Variants in IL4R observed in about 807,000 individuals in gnomAD.
IL4R encodes the protein interleukin-4 receptor subunit alpha.
A neutral mutation model predicts 41.5 loss-of-function variants in IL4R; 17 were observed. The observed-to-expected ratio is 0.41, with a 90% CI of 0.28 to 0.61. The LOEUF (loss-of-function observed/expected upper bound fraction) is 0.61, where lower values mean the gene tolerates loss of function less well. Ranked by LOEUF, IL4R falls within the 20% of genes least tolerant of loss-of-function variation. IL4R has a pLI of 0.31. For missense variants in IL4R, 974 were observed against 1,043.1 expected (o/e 0.93, Z 0.91); for synonymous variants, 402 against 422.9 (o/e 0.95, Z 0.61).
At chr16:27,328,303 G>GCC (rs2085021183) in intron 1 of IL4R, among the ~76,000 whole-genome samples, 1 of 151,074 alleles carries the variant, frequency 6.6e-6, no homozygotes, top group Non-Finnish European at 1.5e-5. Context: ...GAGTGCAATG[G>GCC]TGTGATCTCA....
At chr16:27,320,643 T>A (rs1237599717) in intron 1 of IL4R, among the ~76,000 whole-genome samples, 1 of 152,228 alleles carries the variant, frequency 6.6e-6, no homozygotes. Context: ...TTAAAAGGAT[T>A]ACATTTCTTC....
upstream of IL4R, chr16:27,313,811 G>T: frequency 1.6e-6 from 1 of 644,598 alleles, no homozygotes; most frequent in Non-Finnish European, 1.9e-6. Flanking sequence ...AGCGACAGGG[G>T]CGCGAGGTGG....
In IL4R at chr16:27,321,186, C is replaced by T. The variant is rs376451326; in HGVS notation, c.-152+7166C>T. ...CTCAAACTCCTGACCTAGGGTGATC[C>T]GCCCACCTCAGCCTCCCAAAGTGCT... On this transcript the variant is annotated intron_variant, in intron 1 of 10. Coordinates refer to ENST00000395762, the MANE Select transcript of IL4R (RefSeq NM_000418.4). Among the ~76,000 whole-genome samples the T allele has an allele frequency of 1.3e-3, 191 of 152,180 alleles. 7 individuals carry two copies. The South Asian group carries it at 0.039, about 31-fold the overall frequency.
chr16:27,354,949 T>C, intron 7 of IL4R: 1 of 441,456 alleles, frequency 2.3e-6, no homozygotes, highest in Non-Finnish European at 4.9e-6. Context: ...TCATCTGCCA[T>C]TGGCATGGGG....
chr16:27,339,254 C>T (rs1048944776), intron 2 of IL4R, among the ~76,000 whole-genome samples: 4 of 152,104 alleles, frequency 2.6e-5, no homozygotes, highest in Non-Finnish European at 4.4e-5. Flanking sequence ...GTGATCCACC[C>T]CACCTTCCCG....
chr16:27,333,956 C>T (rs1023581283), intron 2 of IL4R, among the ~76,000 whole-genome samples: 1 of 151,864 alleles, frequency 6.6e-6, no homozygotes, highest in Non-Finnish European at 1.5e-5. Flanking sequence ...AATCTTGGCT[C>T]ACTGCAAGCT....
rs1025794799 is a variant in IL4R at position 27,330,075 on chromosome 16, G to A, written c.-142G>A. ...AACTTTTTATTTTCAGATAATTAAA[G>A]ATTTACACACAGCTGGAAGAAATCA... On this transcript the variant is annotated 5_prime_UTR_variant, in exon 2 of 11. Transcript: ENST00000395762. 3 of 152,046 alleles carry A rather than the reference G, an allele frequency of 2.0e-5. 1 individual carries two copies. The highest frequency in any genetic ancestry group is 2.0e-4 in the Admixed American group (3 of 15,244). 9.4% of individuals were successfully genotyped at this position (152,046 alleles called of 1,614,324 possible).
rs748783353 is a variant in IL4R at position 27,363,627 on chromosome 16, C to T, written c.2275C>T (p.Leu759=). 6.2e-7 allele frequency: 1 copy of T among 1,613,868 alleles called. No individual in the cohort carries two copies. The highest frequency in any genetic ancestry group is 1.1e-5 in the South Asian group (1 of 91,082). Residue 759 remains leucine (L), a synonymous_variant, in exon 11 of 11, where the codon CTG becomes TTG. Transcript: ENST00000395762. ...CAGGTCCTCGCCCCCTACAACCCCC[C>T]TGAGGGCCCCAGACCCCTCTCCAGG... ...GDRSSPPTTP[L]RAPDPSPGGV...
rs536674085 is a variant in IL4R at position 27,323,801 on chromosome 16, A to G, written c.-151-6265A>G. On this transcript the variant is annotated intron_variant, in intron 1 of 10. Coordinates refer to ENST00000395762, the MANE Select transcript of IL4R (RefSeq NM_000418.4). ...TCCCTTAGTAGCTGGGACTACAGGC[A>G]TGTGCCACCATGCCTGGCAATTTTT... Among the ~76,000 whole-genome samples, 209 of 152,140 alleles carry G rather than the reference A, an allele frequency of 1.4e-3. 1 individual carries two copies. The highest frequency in any genetic ancestry group is 4.6e-3 in the African/African-American group (191 of 41,496).
chr16:27,348,369 G>A (rs2085736859), intron 6 of IL4R, among the ~76,000 whole-genome samples: 1 of 152,204 alleles, frequency 6.6e-6, no homozygotes, highest in Admixed American at 6.5e-5. Context: ...GAGTCCCAAG[G>A]ATGGGCTGGG....
chr16:27,341,133 C>T, intron 3 of IL4R: 1 of 691,594 alleles, frequency 1.4e-6, no homozygotes. Context: ...GGAGGGAGGT[C>T]TGGAGTGGAG....
chr16:27,328,519 G>A (rs934009449), intron 1 of IL4R, among the ~76,000 whole-genome samples: 4 of 152,092 alleles, frequency 2.6e-5, no homozygotes, highest in Admixed American at 1.3e-4. Flanking sequence ...GATTACAGGC[G>A]TGAGCCACTG....
rs201852059 is a variant in IL4R at position 27,342,208 on chromosome 16, A to G, written c.158A>G (p.Asn53Ser). 7.0e-5 allele frequency: 113 copies of G among 1,614,144 alleles called. No homozygotes were observed. The highest frequency in any genetic ancestry group is 4.8e-4 in the Admixed American group (29 of 60,014). Reference sequence around the variant, plus strand: ...GAGTGGAAGATGAATGGTCCCACCAATTGCAGCACCGAGCTCCGCCTGTTG... The same window carrying G: ...GAGTGGAAGATGAATGGTCCCACCAGTTGCAGCACCGAGCTCCGCCTGTTG... ...TCEWKMNGPT[N>S]CSTELRLLYQ... Residue 53 changes from asparagine (N) to serine (S), a missense_variant, in exon 4 of 11, where the codon AAT (asparagine) becomes AGT (serine). By Grantham distance (46) the Asn-to-Ser change is conservative (BLOSUM62 1). Transcript: ENST00000395762.
At chr16:27,313,964 G>A (rs1376339706), upstream of IL4R, 12 of 984,842 alleles carry the variant, frequency 1.2e-5, no homozygotes, top group East Asian at 2.3e-4. Context: ...GGGCCACCCA[G>A]GGGTCCCCCA....
Position 27,345,941 on chromosome 16 carries a change from C to T in IL4R, c.362-526C>T, listed in dbSNP as rs1436450306. Among the ~76,000 whole-genome samples, 1 of 152,146 alleles carries T rather than the reference C, an allele frequency of 6.6e-6. No individual in the cohort carries two copies. The highest frequency in any genetic ancestry group is 6.5e-5 in the Admixed American group (1 of 15,276). On this transcript the variant is annotated intron_variant, in intron 5 of 10. Transcript: ENST00000395762. This position sits in a 1 kb window ranked among gnomAD's most constrained non-coding sequence, Gnocchi z 4.5. Reference sequence around the variant, plus strand: ...GAGCTTAGATCATGCTACTGCCCTCCAGCCTGGGCGACAGAGTGAGATTAC... The same window carrying T: ...GAGCTTAGATCATGCTACTGCCCTCTAGCCTGGGCGACAGAGTGAGATTAC...
rs143884629 is a variant in IL4R, at chr16:27,362,777, G to A, written c.1425G>A (p.Pro475=). 623 of 1,614,090 alleles carry A rather than the reference G, an allele frequency of 3.9e-4. 2 individuals are homozygous for A. Among genetic ancestry groups the A allele is most frequent in the Middle Eastern group, 4.9e-4 (3 of 6,062 alleles). Reference sequence around the variant, plus strand: ...TGGAGCCAAGTCCTCCTGCCAGCCCGACCCAGAGTCCAGACAACCTGACTT... The same window carrying A: ...TGGAGCCAAGTCCTCCTGCCAGCCCAACCCAGAGTCCAGACAACCTGACTT... ...LHLEPSPPAS[P]TQSPDNLTCT... The change falls in exon 11 of 11, where the codon CCG becomes CCA. Residue 475 remains proline, a synonymous_variant. Coordinates refer to ENST00000395762, the MANE Select transcript of IL4R (RefSeq NM_000418.4).
At chr16:27,357,550 G>A (rs1006227968) in intron 8 of IL4R, among the ~76,000 whole-genome samples, 7 of 152,112 alleles carry the variant, frequency 4.6e-5, no homozygotes, top group Non-Finnish European at 1.0e-4. Flanking sequence ...TGCAATCTCT[G>A]CCTCCCGGGT....
chr16:27,344,780 A>C, intron 4 of IL4R, 89 bp from the exon 5 acceptor site: 1 of 1,305,416 alleles, frequency 7.7e-7, no homozygotes, highest in East Asian at 2.4e-5. Context: ...GAAGAGTCTG[A>C]TGCGGTTCCT....
chr16:27,354,821 A>G (rs2086003896), intron 7 of IL4R, among the ~76,000 whole-genome samples: 1 of 152,182 alleles, frequency 6.6e-6, no homozygotes, highest in South Asian at 2.1e-4. Flanking sequence ...CACTGTGGAT[A>G]TCAGTTGAGC....
Sources: allele counts gnomAD v4.1 joint callset (sites outside exome capture counted in the v4.1 genomes callset), GRCh38; gene constraint gnomAD v4.1.1; non-coding constraint Gnocchi (gnomAD v3.1); transcripts MANE v1.5; gene names NCBI Gene and HGNC (gene_info 2026-07-23, HGNC 2026-07-21).